The following GALNT18 variants were observed in gnomAD, a reference collection of about 807,000 sequenced individuals.
GALNT18 encodes GalNAc-transferase 18.
GALNT18 carries 44 observed loss-of-function variants against 69.5 expected under a neutral mutation model. The ratio of observed to expected loss-of-function variants is 0.63; its 90% CI spans 0.50 to 0.81. The LOEUF is 0.81. GALNT18 is among the 40% of genes least tolerant of loss of function. The pLI, the probability that GALNT18 is intolerant of heterozygous loss-of-function variation, is 0.00. For missense variants in GALNT18, 715 were observed against 810.0 expected (o/e 0.88, Z 1.42); for synonymous variants, 364 against 318.2 (o/e 1.14, Z -1.53).
intron 10 of GALNT18, among the ~76,000 whole-genome samples, chr11:11,292,248 CTG>C (rs1303658384): frequency 6.6e-6 from 1 of 152,178 alleles, no homozygotes; most frequent in Non-Finnish European, 1.5e-5. Context: ...GCATCCCTAT[CTG>C]TGGCTGAAAA....
At chr11:11,275,036 T>C (rs1848910690) in intron 10 of GALNT18, among the ~76,000 whole-genome samples, 1 of 152,264 alleles carries the variant, frequency 6.6e-6, no homozygotes, top group Non-Finnish European at 1.5e-5. Flanking sequence ...ATAGAATGAT[T>C]TATGATACTT....
intron 1 of GALNT18, among the ~76,000 whole-genome samples, chr11:11,558,322 T>C (rs982768532): frequency 6.6e-6 from 1 of 152,206 alleles, no homozygotes; most frequent in Admixed American, 6.5e-5. Flanking sequence ...CAATACCTTG[T>C]AATAGATGCA....
intron 5 of GALNT18, among the ~76,000 whole-genome samples, chr11:11,375,693 C>T (rs1046933809): frequency 8.5e-5 from 13 of 152,166 alleles, no homozygotes; most frequent in Non-Finnish European, 1.5e-4. Context: ...GAGACATGAG[C>T]GGTCAACAGG....
chr11:11,273,438 TG>T (rs1848868653), intron 10 of GALNT18, among the ~76,000 whole-genome samples: 2 of 152,210 alleles, frequency 1.3e-5, no homozygotes, highest in African/African-American at 4.8e-5. Flanking sequence ...AAACAGGTTA[TG>T]GAAAAATGCT....
At position 11,470,449 on chromosome 11, in the gene GALNT18, C is replaced by G. The variant is rs1856244253; in HGVS notation, c.236-21513G>C. Among the ~76,000 whole-genome samples, 1 of 152,200 alleles carries G rather than the reference C, an allele frequency of 6.6e-6. No individual in the cohort carries two copies. Among genetic ancestry groups the G allele is most frequent in the Non-Finnish European group, 1.5e-5 (1 of 68,026 alleles). ...TCCATTTATCTCACTTTCCCTCTGTCATCAGTGTGTGAGGAAGGCGCTATC... is the reference window on the plus strand; with the variant it reads ...TCCATTTATCTCACTTTCCCTCTGTGATCAGTGTGTGAGGAAGGCGCTATC... On this transcript the variant is annotated intron_variant, in intron 1 of 10. Transcript: ENST00000227756. The surrounding 1 kb of genome is among the most constrained non-coding windows in gnomAD (Gnocchi z 4.8).
rs1034203403 is a variant in GALNT18, at chr11:11,377,872, C to A, written c.780-493G>T. On this transcript the variant is annotated intron_variant, in intron 4 of 10. Transcript: ENST00000227756. The surrounding 1 kb of genome is among the most constrained non-coding windows in gnomAD (Gnocchi z 4.6). Reference sequence around the variant, plus strand: ...AGCCATGCGATGTTGCCCTGGAATGCCAGCTGTGCCACATCCACCCCCCAA... The same window carrying A: ...AGCCATGCGATGTTGCCCTGGAATGACAGCTGTGCCACATCCACCCCCCAA... Among the ~76,000 whole-genome samples the A allele has an allele frequency of 2.6e-5, 4 of 152,242 alleles. No homozygotes were observed. The highest frequency in any genetic ancestry group is 9.6e-5 in the African/African-American group (4 of 41,540).
In GALNT18 at chr11:11,604,210, T is replaced by C. The variant is rs1011825377; in HGVS notation, c.235+17149A>G. 2.0e-5 allele frequency among the ~76,000 whole-genome samples: 3 copies of C among 152,206 alleles called. No individual in the cohort carries two copies. The highest frequency in any genetic ancestry group is 7.2e-5 in the African/African-American group (3 of 41,456). On this transcript the variant is annotated intron_variant, in intron 1 of 10. Transcript: ENST00000227756. This position sits in a 1 kb window ranked among gnomAD's most constrained non-coding sequence, Gnocchi z 5.6. ...TTTTGTTATAGCAGCCCAAATAGAC[T>C]AAGATACCACTTTTCAAAGATTGTG...
At chr11:11,611,647 C>T (rs1565041339) in intron 1 of GALNT18, among the ~76,000 whole-genome samples, 1 of 152,160 alleles carries the variant, frequency 6.6e-6, no homozygotes, top group Non-Finnish European at 1.5e-5. Context: ...GTGTAAGGCA[C>T]ATCAGGATAA....
Position 11,332,158 on chromosome 11 carries a change from C to A in GALNT18, c.1416+536G>T, listed in dbSNP as rs1850026880. ...TCTAACTCCAAACCCTATGCTCTGC[C>A]CCCTCCATCTTTCTCCCTCCCATCA... On this transcript the variant is annotated intron_variant, in intron 8 of 10. Coordinates refer to ENST00000227756, the MANE Select transcript of GALNT18 (RefSeq NM_198516.3). This position sits in a 1 kb window ranked among gnomAD's most constrained non-coding sequence, Gnocchi z 4.3. 6.6e-6 allele frequency among the ~76,000 whole-genome samples: 1 copy of A among 152,036 alleles called. No homozygotes were observed.
chr11:11,553,680 T>C (rs1565008843), intron 1 of GALNT18, among the ~76,000 whole-genome samples: 1 of 150,924 alleles, frequency 6.6e-6, no homozygotes, highest in East Asian at 2.0e-4. Flanking sequence ...AGCACCAAGC[T>C]CCCCCCCAGC....
At position 11,309,570 on chromosome 11, in the gene GALNT18, G is replaced by C. The variant is rs1284545284; in HGVS notation, c.1513-16377C>G. Among the ~76,000 whole-genome samples the C allele has an allele frequency of 6.6e-6, 1 of 151,922 alleles. No homozygotes were observed. Among genetic ancestry groups the C allele is most frequent in the Non-Finnish European group, 1.5e-5 (1 of 68,004 alleles). On this transcript the variant is annotated intron_variant, in intron 9 of 10. Transcript: ENST00000227756. This position sits in a 1 kb window ranked among gnomAD's most constrained non-coding sequence, Gnocchi z 4.6. ...CTGTAAACCCCACCTCTATAGCCTT[G>C]TTCACCTTCTCCACACCTGTTCCCT...
intron 3 of GALNT18, among the ~76,000 whole-genome samples, chr11:11,401,893 G>A (rs1482188543): frequency 1.3e-5 from 2 of 152,208 alleles, no homozygotes; most frequent in East Asian, 3.8e-4. Context: ...GGTGTGTACA[G>A]ATAGCTAAGG....
In GALNT18 at chr11:11,376,380, T is replaced by TCAAAAA. The variant is rs78747646; in HGVS notation, c.977+796_977+801dup. ...CTGGGTGACAGAGTGAGACTCCGTC[T>TCAAAAA]CAAAAACAAAAACAAACACAGACAG... On this transcript the variant is annotated intron_variant, in intron 5 of 10. Transcript: ENST00000227756. Among the ~76,000 whole-genome samples the TCAAAAA allele has an allele frequency of 4.0e-5, 6 of 151,184 alleles. No homozygotes were observed. In the South Asian group the frequency reaches 6.3e-4, roughly 16 times the overall value.
chr11:11,377,185 A>G lies in GALNT18; in HGVS notation c.974T>C (p.Ile325Thr), dbSNP rs1275672536. 6.2e-7 allele frequency: 1 copy of G among 1,612,792 alleles called. No individual in the cohort carries two copies. The highest frequency in any genetic ancestry group is 2.2e-5 in the East Asian group (1 of 44,870). The part of the protein sequence containing the change: ...WWKLENSTAP[I>T]RSPALIGCFI... ...CACAGGTAAAGGTTTGCTTTACCTG[A>G]TTGGCGCTGTGGAGTTCTCCAGCTT... The change falls in exon 5 of 11, where the codon ATC becomes ACC. Residue 325 changes from isoleucine to threonine, a missense_variant. Coordinates refer to ENST00000227756, the MANE Select transcript of GALNT18 (RefSeq NM_198516.3). This position sits in a 1 kb window ranked among gnomAD's most constrained non-coding sequence, Gnocchi z 4.6.
chr11:11,621,527 T>C lies in GALNT18; in HGVS notation c.67A>G (p.Ile23Val). The change falls in exon 1 of 11, where the codon ATC becomes GTC. Residue 23 changes from isoleucine to valine, a missense_variant. Ile to Val is a conservative substitution (Grantham distance 29, BLOSUM62 3). Transcript: ENST00000227756. This position sits in a 1 kb window ranked among gnomAD's most constrained non-coding sequence, Gnocchi z 9.3. ...CAGCCCACGTAGAGCAGGCAGATGA[T>C]GTTAGTCATGCCGCTCAGGATCACG... ...TCVILSGMTN[I>V]ICLLYVGWVT... 6.2e-7 allele frequency: 1 copy of C among 1,614,014 alleles called. No homozygotes were observed. Among genetic ancestry groups the C allele is most frequent in the Non-Finnish European group, 8.5e-7 (1 of 1,179,978 alleles).
At chr11:11,373,306 T>C (rs1391634347) in intron 5 of GALNT18, among the ~76,000 whole-genome samples, 1 of 152,020 alleles carries the variant, frequency 6.6e-6, no homozygotes, top group Non-Finnish European at 1.5e-5. Flanking sequence ...AGTCAGAGTA[T>C]CAGGAACAGA....
At position 11,372,420 on chromosome 11, in the gene GALNT18, G is replaced by C; in HGVS notation, c.1092+95C>G. ...AGGACTGGACATTCAGAATCAGTCT[G>C]TGACCCTCAACCTTAAACCCCATTT... is the stretch of plus-strand genomic sequence containing the variant. On this transcript the variant is annotated intron_variant, in intron 6 of 10. Transcript: ENST00000227756. The surrounding 1 kb of genome is among the most constrained non-coding windows in gnomAD (Gnocchi z 4.9). 1 of 907,326 alleles carries C rather than the reference G, an allele frequency of 1.1e-6. No homozygotes were observed. The highest frequency in any genetic ancestry group is 1.8e-6 in the Non-Finnish European group (1 of 558,062). The allele number at this position is 907,326 out of a possible 1,614,324, so 56.2% of individuals were successfully genotyped here.
intron 1 of GALNT18, among the ~76,000 whole-genome samples, chr11:11,524,384 T>C (rs1338108871): frequency 6.6e-6 from 1 of 152,242 alleles, no homozygotes; most frequent in Non-Finnish European, 1.5e-5. Flanking sequence ...TAGTTATTTA[T>C]TACCATTGCC....
chr11:11,424,770 C>T (rs1341357207), intron 3 of GALNT18, among the ~76,000 whole-genome samples: 1 of 152,050 alleles, frequency 6.6e-6, no homozygotes, highest in Middle Eastern at 3.2e-3. Flanking sequence ...AGGGGCAGAA[C>T]CATGGAGGAG....
Sources: gnomAD v4.1 joint callset for allele counts (sites outside exome capture counted in the v4.1 genomes callset) on GRCh38, gnomAD v4.1.1 for gene constraint, Gnocchi (gnomAD v3.1) non-coding constraint, MANE v1.5 for transcripts, NCBI Gene and HGNC (gene_info 2026-07-23, HGNC 2026-07-21) for gene names.